CIMIP3: variants seen among roughly 807,000 people sequenced by gnomAD.
The protein encoded by CIMIP3 is GUCA1A neighbor.
chr6:42,156,950 TGAG>T, the CIMIP3 span, among the ~76,000 whole-genome samples: 1 of 152,262 alleles, frequency 6.6e-6, no homozygotes, highest in African/African-American at 2.4e-5. Context: ...TCCCCCAGAG[TGAG>T]GAGGCTACAG....
At chr6:42,160,139 C>T in the CIMIP3 span, among the ~76,000 whole-genome samples, 2 of 144,110 alleles carry the variant, frequency 1.4e-5, no homozygotes, top group Admixed American at 1.4e-4. Flanking sequence ...GTGCATGCCA[C>T]CATGCCTGGC....
chr6:42,162,538 G>A, the CIMIP3 span, among the ~76,000 whole-genome samples: 5 of 150,688 alleles, frequency 3.3e-5, no homozygotes, highest in East Asian at 3.9e-4. Context: ...TAGAGAGGTC[G>A]AAGGCCTGAC....
chr6:42,156,932 C>T, the CIMIP3 span, among the ~76,000 whole-genome samples: 1 of 152,252 alleles, frequency 6.6e-6, no homozygotes, highest in Non-Finnish European at 1.5e-5. Context: ...CAATAAGGCA[C>T]AAGGCCTTCC....
the CIMIP3 span, among the ~76,000 whole-genome samples, chr6:42,159,721 ACAGGCCCCTGG>A: frequency 6.6e-6 from 1 of 152,220 alleles, no homozygotes; most frequent in Non-Finnish European, 1.5e-5. Context: ...TAGAAGATCC[ACAGGCCCCTGG>A]CAGGCCCTGC....
chr6:42,158,123 C>T, the CIMIP3 span, among the ~76,000 whole-genome samples: 223 of 152,282 alleles, frequency 1.5e-3, no homozygotes, highest in Middle Eastern at 0.017. Context: ...ACACAGTGTG[C>T]GCACACCCAG....
the CIMIP3 span, among the ~76,000 whole-genome samples, chr6:42,162,087 A>ATTTT: frequency 8.9e-5 from 10 of 111,778 alleles, no homozygotes; most frequent in African/African-American, 3.4e-4. Flanking sequence ...TGGAAGCCAC[A>ATTTT]TTCTTTTTTT....
the CIMIP3 span, among the ~76,000 whole-genome samples, chr6:42,162,146 G>A: frequency 7.4e-3 from 1,055 of 142,778 alleles, 20 homozygotes; most frequent in African/African-American, 0.027. Flanking sequence ...GGACGCAGTG[G>A]CTCACGCCTG....
the CIMIP3 span, among the ~76,000 whole-genome samples, chr6:42,161,184 A>G: frequency 3.3e-5 from 5 of 152,168 alleles, no homozygotes; most frequent in African/African-American, 1.2e-4. Flanking sequence ...GCGAAACTCC[A>G]TCTCAAAAAA....
the CIMIP3 span, among the ~76,000 whole-genome samples, chr6:42,161,522 A>G: frequency 7.2e-5 from 11 of 152,180 alleles, no homozygotes; most frequent in South Asian, 2.1e-4. Flanking sequence ...TGGGGATTTG[A>G]AGGTGAACAG....
the CIMIP3 span, among the ~76,000 whole-genome samples, chr6:42,155,856 T>C: frequency 5.3e-5 from 8 of 152,198 alleles, no homozygotes; most frequent in African/African-American, 1.9e-4. Flanking sequence ...TCTAGGCACC[T>C]TACATGGACT....
chr6:42,163,340 G>T, the CIMIP3 span: 1 of 444,616 alleles, frequency 2.2e-6, no homozygotes, highest in South Asian at 7.1e-5. Flanking sequence ...CAGGAGGAGT[G>T]ACCTATATTC....
the CIMIP3 span, among the ~76,000 whole-genome samples, chr6:42,156,762 T>C: frequency 6.6e-6 from 1 of 152,150 alleles, no homozygotes; most frequent in Non-Finnish European, 1.5e-5. Context: ...CCCCTGAAGC[T>C]CAAAGAGGCT....
the CIMIP3 span, among the ~76,000 whole-genome samples, chr6:42,156,306 C>CTTTTTTTTT: frequency 3.6e-5 from 5 of 137,096 alleles, no homozygotes; most frequent in East Asian, 2.1e-4. Context: ...ATTTTTTTTT[C>CTTTTTTTTT]TTTTTTTTTT....
the CIMIP3 span, among the ~76,000 whole-genome samples, chr6:42,161,088 T>G: frequency 6.6e-6 from 1 of 152,040 alleles, no homozygotes; most frequent in African/African-American, 2.4e-5. Context: ...CTCGGGAGGG[T>G]GAGGCAGGAG....
the CIMIP3 span, chr6:42,163,004 C>T: frequency 1.1e-5 from 8 of 716,468 alleles, no homozygotes; most frequent in Admixed American, 4.0e-5. Flanking sequence ...GTCCCGGCCC[C>T]GGGCGTGGAA....
At chr6:42,163,238 T>C in the CIMIP3 span, 3 of 595,084 alleles carry the variant, frequency 5.0e-6, no homozygotes, top group East Asian at 8.8e-5. Flanking sequence ...CTTGGTCTTG[T>C]GGCGCTCCTA....
chr6:42,162,308 A>G, the CIMIP3 span, among the ~76,000 whole-genome samples: 15 of 151,338 alleles, frequency 9.9e-5, no homozygotes, highest in South Asian at 2.1e-4. Flanking sequence ...CAGCTTACTC[A>G]GGAGGCTGAG....
At chr6:42,156,296 AT>A in the CIMIP3 span, among the ~76,000 whole-genome samples, 1 of 139,648 alleles carries the variant, frequency 7.2e-6, no homozygotes, top group African/African-American at 2.7e-5. Context: ...GTGCTCAGCC[AT>A]TTTTTTTTCT....
the CIMIP3 span, chr6:42,163,387 A>G: frequency 4.9e-6 from 2 of 411,478 alleles, no homozygotes; most frequent in Admixed American, 8.4e-5. Flanking sequence ...CCTATTGACA[A>G]TGATAAAGGG....
Sources: gnomAD v4.1 joint callset for allele counts (sites outside exome capture counted in the v4.1 genomes callset) on GRCh38, gnomAD v4.1.1 for gene constraint, MANE v1.5 for transcripts, NCBI Gene and HGNC (gene_info 2026-07-23, HGNC 2026-07-21) for gene names.